PTBP3: variants seen among roughly 807,000 people sequenced by gnomAD.
PTBP3 encodes polypyrimidine tract binding protein 3, also known as polypyrimidine tract-binding protein 3.
In PTBP3, 20 loss-of-function variants were observed where a neutral mutation model predicts 58.7. The ratio of observed to expected loss-of-function variants is 0.34; its 90% CI spans 0.24 to 0.50. The LOEUF is 0.50. Among genes scored for constraint, PTBP3 ranks in the 20% least tolerant of loss-of-function variants. The pLI is 0.98. For synonymous variants in PTBP3, 185 were observed against 219.8 expected (o/e 0.84, Z 1.40); for missense variants, 509 against 637.2 (o/e 0.80, Z 2.17).
chr9:112,240,321 T>C (rs1052253855), intron 7 of PTBP3, among the ~76,000 whole-genome samples: 3 of 152,204 alleles, frequency 2.0e-5, no homozygotes, highest in Non-Finnish European at 4.4e-5. Context: ...TACAATGTGA[T>C]GAGTTTTGAT....
At chr9:112,250,458 C>T (rs927267993) in intron 7 of PTBP3, among the ~76,000 whole-genome samples, 3 of 151,084 alleles carry the variant, frequency 2.0e-5, no homozygotes, top group African/African-American at 7.3e-5. Flanking sequence ...GCTTAAGATA[C>T]AGCTGGAAGT....
chr9:112,249,070 C>T (rs2132065956), intron 7 of PTBP3, among the ~76,000 whole-genome samples: 1 of 151,486 alleles, frequency 6.6e-6, no homozygotes, highest in South Asian at 2.1e-4. Context: ...TTTTCTAATG[C>T]TTTAAAGTAT....
chr9:112,368,173 G>GT, the PTBP3 span, among the ~76,000 whole-genome samples: 10 of 151,606 alleles, frequency 6.6e-5, no homozygotes, highest in South Asian at 2.1e-3. Context: ...TTTTGTATTT[G>GT]TATTTTTTAT....
intron 12 of PTBP3, among the ~76,000 whole-genome samples, chr9:112,224,933 C>G (rs1241663486): frequency 6.6e-6 from 1 of 152,208 alleles, no homozygotes; most frequent in Non-Finnish European, 1.5e-5. Flanking sequence ...AATGGATCCT[C>G]TATCTCCAGT....
intron 5 of PTBP3, among the ~76,000 whole-genome samples, chr9:112,258,953 T>C (rs1836481953): frequency 6.6e-6 from 1 of 152,106 alleles, no homozygotes; most frequent in African/African-American, 2.4e-5. Flanking sequence ...ATACAGCTTA[T>C]TTTTTTGGAG....
chr9:112,324,328 TA>T (rs1418234866), intron 1 of PTBP3, among the ~76,000 whole-genome samples: 1 of 150,952 alleles, frequency 6.6e-6, no homozygotes. Flanking sequence ...CAGCAACCAC[TA>T]AAAAAAAAGT....
chr9:112,323,841 G>A (rs1031434164), intron 1 of PTBP3, among the ~76,000 whole-genome samples: 1 of 152,126 alleles, frequency 6.6e-6, no homozygotes, highest in Admixed American at 6.6e-5. Context: ...AGAGTACAGG[G>A]CAGAAGAAAC....
At chr9:112,376,252 GTTTTT>G in the PTBP3 span, among the ~76,000 whole-genome samples, 5 of 75,008 alleles carry the variant, frequency 6.7e-5, no homozygotes, top group Non-Finnish European at 8.9e-5. Context: ...AGTTTATTAA[GTTTTT>G]TTTTTTTTTT....
At chr9:112,305,297 C>T (rs1485908681) in intron 1 of PTBP3, among the ~76,000 whole-genome samples, 1 of 147,314 alleles carries the variant, frequency 6.8e-6, no homozygotes, top group Non-Finnish European at 1.5e-5. Flanking sequence ...GGCCTTGGGT[C>T]ACCAGACAGT....
At chr9:112,236,790 A>C (rs187608647) in intron 7 of PTBP3, among the ~76,000 whole-genome samples, 4 of 152,268 alleles carry the variant, frequency 2.6e-5, no homozygotes, top group Admixed American at 2.6e-4. Context: ...AATGGCATTA[A>C]GGGTTTATAT....
At chr9:112,269,196 CAAA>C (rs5899997) in intron 3 of PTBP3, among the ~76,000 whole-genome samples, 1,965 of 91,298 alleles carry the variant, frequency 0.022, 33 homozygotes, top group African/African-American at 0.072. Flanking sequence ...AACTCTGTCT[CAAA>C]AAAAAAAAAA....
rs1243851344 is a variant in PTBP3 at position 112,228,423 on chromosome 9, T to A, written c.1104A>T (p.Glu368Asp). 13 of 1,608,608 alleles carry A rather than the reference T, an allele frequency of 8.1e-6. No homozygotes were observed. Among genetic ancestry groups the A allele is most frequent in the Non-Finnish European group, 1.1e-5 (13 of 1,178,436 alleles). Residue 368 changes from glutamate (E) to aspartate (D), a missense_variant, in exon 11 of 14, where the codon GAA becomes GAT. Glu to Asp is a conservative substitution (Grantham distance 45). This residue lies in a region of PTBP3 where 135 missense variants were observed against 229.0 expected (regional missense o/e 0.59). Transcript: ENST00000374257. ...CATCCGCCATCTGAACCAAGGCATTTTCTTTCTTATTAAACATAATCTTCA... is the reference window on the plus strand; with the variant it reads ...CATCCGCCATCTGAACCAAGGCATTATCTTTCTTATTAAACATAATCTTCA... ...HRVKIMFNKK[E>D]NALVQMADAN...
At chr9:112,373,979 G>A in the PTBP3 span, among the ~76,000 whole-genome samples, 1 of 152,002 alleles carries the variant, frequency 6.6e-6, no homozygotes, top group Non-Finnish European at 1.5e-5. Context: ...AGCAGGTCGT[G>A]GTTTTTTTTT....
upstream of PTBP3, among the ~76,000 whole-genome samples, chr9:112,338,252 G>C (rs910572921): frequency 2.0e-5 from 3 of 151,618 alleles, no homozygotes; most frequent in African/African-American, 4.9e-5. Context: ...TCTGTGTCTT[G>C]ATTATGGGGT....
chr9:112,307,945 T>C (rs939399044), intron 1 of PTBP3, among the ~76,000 whole-genome samples: 4 of 152,246 alleles, frequency 2.6e-5, no homozygotes, highest in African/African-American at 9.6e-5. Context: ...TAAGATATTT[T>C]TGGTGTTTTG....
chr9:112,313,371 A>G (rs1052470120), intron 1 of PTBP3, among the ~76,000 whole-genome samples: 6 of 152,172 alleles, frequency 3.9e-5, no homozygotes, highest in Admixed American at 1.3e-4. Context: ...ACCCAGCCTA[A>G]TAAGTTATTT....
At position 112,268,139 on chromosome 9, in the gene PTBP3, A is replaced by G; in HGVS notation, c.261T>C (p.Thr87=). The part of the protein sequence containing the change: ...EAAVTMVNYY[T]PITPHLRSQP... ...GGCTTCGAAGGTGAGGAGTAATAGG[A>G]GTGTAATAATTCACCATAGTAACGG... The change falls in exon 4 of 14, where the codon ACT becomes ACC. Residue 87 remains threonine (T), a synonymous_variant. Coordinates refer to ENST00000374257, the MANE Select transcript of PTBP3 (RefSeq NM_001163788.4). 6.2e-7 allele frequency: 1 copy of G among 1,613,616 alleles called. No homozygotes were observed. Among genetic ancestry groups the G allele is most frequent in the South Asian group, 1.1e-5 (1 of 90,952 alleles).
chr9:112,244,413 C>T (rs1365114421), intron 7 of PTBP3, among the ~76,000 whole-genome samples: 4 of 151,836 alleles, frequency 2.6e-5, no homozygotes, highest in Admixed American at 2.6e-4. Flanking sequence ...GTGGCTCACG[C>T]TGGTAATCCT....
chr9:112,339,404 C>T, the PTBP3 span, among the ~76,000 whole-genome samples: 2 of 150,896 alleles, frequency 1.3e-5, no homozygotes, highest in South Asian at 4.2e-4. Flanking sequence ...AAATTGACTT[C>T]TTTTTGTCCT....
Sources: allele counts gnomAD v4.1 joint callset (sites outside exome capture counted in the v4.1 genomes callset), GRCh38; gene constraint gnomAD v4.1.1; regional missense constraint gnomAD v4.1.1; transcripts MANE v1.5; gene names NCBI Gene and HGNC (gene_info 2026-07-23, HGNC 2026-07-21).